Variants in TKFC observed in about 807,000 individuals in gnomAD.
TKFC encodes the protein triokinase/FMN cyclase.
A neutral mutation model predicts 61.0 loss-of-function variants in TKFC; 46 were observed. The ratio of observed to expected loss-of-function variants is 0.75; its 90% CI spans 0.60 to 0.96. TKFC has a LOEUF of 0.96. Ranked by LOEUF, TKFC falls within the 50% of genes least tolerant of loss-of-function variation. TKFC has a pLI of 0.00. For missense variants in TKFC, 715 were observed against 777.5 expected (o/e 0.92, Z 0.96); for synonymous variants, 314 against 330.1 (o/e 0.95, Z 0.53).
intron 2 of TKFC, among the ~76,000 whole-genome samples, chr11:61,337,530 G>C (rs1373216250): frequency 6.6e-6 from 1 of 152,186 alleles, no homozygotes; most frequent in African/African-American, 2.4e-5. Flanking sequence ...GAGCACCAGG[G>C]AGCAGCGGTG....
At chr11:61,337,747 A>T (rs1453340275) in intron 2 of TKFC, among the ~76,000 whole-genome samples, 194 bp from the exon 3 acceptor site, 2 of 152,200 alleles carry the variant, frequency 1.3e-5, no homozygotes, top group Non-Finnish European at 2.9e-5. Flanking sequence ...TTAGGTACTG[A>T]ATAGAAAGTC....
chr11:61,343,162 G>T, intron 10 of TKFC, 180 bp from the exon 11 acceptor site: 1 of 639,956 alleles, frequency 1.6e-6, no homozygotes, highest in Non-Finnish European at 2.7e-6. Context: ...CCCCGACGTA[G>T]GGGACACCTC....
At chr11:61,350,830 A>C, downstream of TKFC, 1 of 1,019,034 alleles carries the variant, frequency 9.8e-7, no homozygotes, top group Non-Finnish European at 1.4e-6. Context: ...CTGGTTTGGG[A>C]CCAGTGCTCC....
At chr11:61,342,405 CGAT>C (rs1856898577) in intron 7 of TKFC, 53 bp from the exon 8 acceptor site, 5 of 1,611,518 alleles carry the variant, frequency 3.1e-6, no homozygotes, top group South Asian at 2.2e-5. Flanking sequence ...TTGATAAAAA[CGAT>C]GAGCAAATCC....
At position 61,346,149 on chromosome 11, in the gene TKFC, G is replaced by T; in HGVS notation, c.1576-202G>T. 7.7e-7 allele frequency: 1 copy of T among 1,305,024 alleles called. No homozygotes were observed. Among genetic ancestry groups the T allele is most frequent in the Non-Finnish European group, 1.0e-6 (1 of 969,916 alleles). The allele number at this position is 1,305,024 out of a possible 1,614,324, so 80.8% of individuals were successfully genotyped here. A position where few individuals can be genotyped will look rare whatever the true frequency, so the allele number is the denominator to read the frequency against. Reference sequence around the variant, plus strand: ...CCGCACACTGCCTGGGATGTGACAGGGCCTCAGTGAATGGTGACCCTTTTC... The same window carrying T: ...CCGCACACTGCCTGGGATGTGACAGTGCCTCAGTGAATGGTGACCCTTTTC... On this transcript the variant is annotated intron_variant, in intron 17 of 17. Coordinates refer to ENST00000394900, the MANE Select transcript of TKFC (RefSeq NM_015533.4). The surrounding 1 kb of genome is among the most constrained non-coding windows in gnomAD (Gnocchi z 4.1).
In TKFC at chr11:61,343,990, C is replaced by T; in HGVS notation, c.1102+15C>T. Reference sequence around the variant, plus strand: ...TGCTGCAGGAGGTACCAACCCCTGCCTTTGGGGAAGGGACAGGCTTCCCAA... The same window carrying T: ...TGCTGCAGGAGGTACCAACCCCTGCTTTTGGGGAAGGGACAGGCTTCCCAA... On this transcript the variant is annotated intron_variant, in intron 12 of 17. Coordinates refer to ENST00000394900, the MANE Select transcript of TKFC (RefSeq NM_015533.4). The T allele has an allele frequency of 2.5e-6, 4 of 1,609,640 alleles. No individual in the cohort carries two copies. Among genetic ancestry groups the T allele is most frequent in the Non-Finnish European group, 3.4e-6 (4 of 1,179,250 alleles).
At position 61,347,262 on chromosome 11, in the gene TKFC, C is replaced by G. The variant is rs895205558; in HGVS notation, c.*759C>G. 3 of 985,374 alleles carry G rather than the reference C, an allele frequency of 3.0e-6. No individual in the cohort carries two copies. The African/African-American group carries it at 5.2e-5, about 17-fold the overall frequency. The allele number at this position is 985,374 out of a possible 1,614,324, so 61.0% of individuals were successfully genotyped here. On this transcript the variant is annotated 3_prime_UTR_variant, in exon 18 of 18. Transcript: ENST00000394900. ...TTGTAGATCAAAAAATGCAGCCAGGCCGGGCACGGTGGCTCACACCTGCAA... is the reference window on the plus strand; with the variant it reads ...TTGTAGATCAAAAAATGCAGCCAGGGCGGGCACGGTGGCTCACACCTGCAA...
rs755137091 is a variant in TKFC at position 61,343,888 on chromosome 11, G to A, written c.1015G>A (p.Val339Met). 47 of 1,610,718 alleles carry A rather than the reference G, an allele frequency of 2.9e-5. No homozygotes were observed. Among genetic ancestry groups the A allele is most frequent in the Non-Finnish European group, 3.1e-5 (37 of 1,179,976 alleles). ...AACCACTGCAGCAGCCTGGCCTAAC[G>A]TGGCTGCAGTCTCCATTACTGGGCG... ...AETTAAAWPN[V>M]AAVSITGRKR... The change falls in exon 12 of 18, where the codon GTG becomes ATG. Residue 339 changes from valine (V) to methionine (M), a missense_variant. Physicochemically the swap from Val to Met is conservative, Grantham distance 21 (BLOSUM62 1). Transcript: ENST00000394900.
In TKFC at chr11:61,346,256, G is replaced by A. The variant is rs1462990761; in HGVS notation, c.1576-95G>A. On this transcript the variant is annotated intron_variant, in intron 17 of 17. Coordinates refer to ENST00000394900, the MANE Select transcript of TKFC (RefSeq NM_015533.4). The surrounding 1 kb of genome is among the most constrained non-coding windows in gnomAD (Gnocchi z 4.1). ...GGCAGAGCCAGGGCAAGGGCGTGCAGGGCCAGGCTGCACGGCAGAGACGTT... is the reference window on the plus strand; with the variant it reads ...GGCAGAGCCAGGGCAAGGGCGTGCAAGGCCAGGCTGCACGGCAGAGACGTT... 6.3e-7 allele frequency: 1 copy of A among 1,592,782 alleles called. No homozygotes were observed. Among genetic ancestry groups the A allele is most frequent in the Non-Finnish European group, 8.5e-7 (1 of 1,175,270 alleles).
At position 61,348,580 on chromosome 11, in the gene TKFC, T is replaced by C. The variant is rs141513227; in HGVS notation, c.*2077T>C. 4,165 of 847,964 alleles carry C rather than the reference T, an allele frequency of 4.9e-3. 12 individuals are homozygous for C. The highest frequency in any genetic ancestry group is 8.9e-3 in the Middle Eastern group (15 of 1,692). 52.5% of individuals were successfully genotyped at this position (847,964 alleles called of 1,614,324 possible). A position where few individuals can be genotyped will look rare whatever the true frequency, so the allele number is the denominator to read the frequency against. ...AGGACGTGGGGCCTTTGGGAGGTGA[T>C]GGGGTTATGAGGGTGGAGCCCCAGA... On this transcript the variant is annotated 3_prime_UTR_variant, in exon 18 of 18. Coordinates refer to ENST00000394900, the MANE Select transcript of TKFC (RefSeq NM_015533.4).
chr11:61,343,166 A>T, intron 10 of TKFC, 176 bp from the exon 11 acceptor site: 1 of 644,062 alleles, frequency 1.6e-6, no homozygotes, highest in Non-Finnish European at 2.7e-6. Context: ...GACGTAGGGG[A>T]CACCTCCAGG....
chr11:61,351,123 G>A, downstream of TKFC: 1 of 1,613,712 alleles, frequency 6.2e-7, no homozygotes, highest in South Asian at 1.1e-5. Flanking sequence ...TGGGCAGGCT[G>A]TGGTATGGCC....
In TKFC at chr11:61,346,979, C is replaced by T; in HGVS notation, c.*476C>T. The T allele has an allele frequency of 1.0e-6, 1 of 987,374 alleles. No homozygotes were observed. Among genetic ancestry groups the T allele is most frequent in the Non-Finnish European group, 1.2e-6 (1 of 831,166 alleles). 61.2% of individuals were successfully genotyped at this position (987,374 alleles called of 1,614,324 possible). A position where few individuals can be genotyped will look rare whatever the true frequency, so the allele number is the denominator to read the frequency against. ...AGCATGTAAACAAGGGGGCCCACAG[C>T]CCTGGCTGCAGGCATCATGACCCAT... On this transcript the variant is annotated 3_prime_UTR_variant, in exon 18 of 18. Coordinates refer to ENST00000394900, the MANE Select transcript of TKFC (RefSeq NM_015533.4). This position sits in a 1 kb window ranked among gnomAD's most constrained non-coding sequence, Gnocchi z 4.1.
chr11:61,353,378 T>C (rs1857508323), downstream of TKFC: 1 of 611,982 alleles, frequency 1.6e-6, no homozygotes, highest in Non-Finnish European at 2.9e-6. Flanking sequence ...AACCACCTTG[T>C]TTGTCTCTGG....
Position 61,348,551 on chromosome 11 carries a change from T to C in TKFC, c.*2048T>C. ...GAAAGGCTCACCCCCACTATGGTAG[T>C]GTTAGGACGTGGGGCCTTTGGGAGG... On this transcript the variant is annotated 3_prime_UTR_variant, in exon 18 of 18. Transcript: ENST00000394900. The C allele has an allele frequency of 1.0e-6, 1 of 960,376 alleles. No individual in the cohort carries two copies. Among genetic ancestry groups the C allele is most frequent in the African/African-American group, 1.8e-5 (1 of 56,884 alleles). The allele number at this position is 960,376 out of a possible 1,614,324, so 59.5% of individuals were successfully genotyped here.
intron 7 of TKFC, 41 bp downstream of exon 7, chr11:61,341,953 G>A: frequency 6.3e-7 from 1 of 1,581,380 alleles, no homozygotes. Context: ...CCTGCTCCTT[G>A]GCCCTGGACT....
chr11:61,346,024 A>G lies in TKFC; in HGVS notation c.1575+78A>G. Reference sequence around the variant, plus strand: ...CTCCTGTCTCCATGTGACCCTGAGCAAGTTAATAACCTTCCTGGACCGCAG... The same window carrying G: ...CTCCTGTCTCCATGTGACCCTGAGCGAGTTAATAACCTTCCTGGACCGCAG... On this transcript the variant is annotated intron_variant, in intron 17 of 17. Transcript: ENST00000394900. This position sits in a 1 kb window ranked among gnomAD's most constrained non-coding sequence, Gnocchi z 4.1. 1 of 1,473,526 alleles carries G rather than the reference A, an allele frequency of 6.8e-7. No individual in the cohort carries two copies. The highest frequency in any genetic ancestry group is 9.3e-7 in the Non-Finnish European group (1 of 1,071,248). 91.3% of individuals were successfully genotyped at this position (1,473,526 alleles called of 1,614,324 possible).
chr11:61,350,993 G>C (rs1301735348), downstream of TKFC: 10 of 1,613,228 alleles, frequency 6.2e-6, no homozygotes, highest in Admixed American at 1.7e-5. Context: ...ACCCATACCT[G>C]TCTGTCGGTC....
At chr11:61,350,695 G>A (rs948013973), downstream of TKFC, 3 of 592,348 alleles carry the variant, frequency 5.1e-6, no homozygotes, top group African/African-American at 3.7e-5. Flanking sequence ...CCTTGTCACA[G>A]TCAAGCCCTT....
Sources: gnomAD v4.1 joint callset for allele counts (sites outside exome capture counted in the v4.1 genomes callset) on GRCh38, gnomAD v4.1.1 for gene constraint, Gnocchi (gnomAD v3.1) non-coding constraint, MANE v1.5 for transcripts, NCBI Gene and HGNC (gene_info 2026-07-23, HGNC 2026-07-21) for gene names.